The following NPFFR2 variants were observed in gnomAD, a reference collection of about 807,000 sequenced individuals.
NPFFR2 encodes the protein neuropeptide FF receptor 2, also known as G-protein coupled receptor 74.
Under a neutral mutation model 13.1 loss-of-function variants are expected in NPFFR2, and 15 were observed. That is an observed-to-expected ratio of 1.15 (90% CI 0.77 to 1.76). The LOEUF (loss-of-function observed/expected upper bound fraction) is 1.76. Ranked by LOEUF, NPFFR2 falls within the 40% of genes most tolerant of loss-of-function variation. The pLI, the probability that NPFFR2 is intolerant of heterozygous loss-of-function variation, is 0.00. For missense variants in NPFFR2, 572 were observed against 503.5 expected (o/e 1.14, Z -1.30); for synonymous variants, 190 against 175.7 (o/e 1.08, Z -0.65).
intron 1 of NPFFR2, among the ~76,000 whole-genome samples, chr4:72,065,674 G>C (rs569142600): frequency 6.6e-6 from 1 of 152,262 alleles, no homozygotes; most frequent in East Asian, 1.9e-4. Flanking sequence ...ATCATTCCTA[G>C]TCCCATTTTC....
At chr4:72,114,103 C>A (rs976294145) in intron 1 of NPFFR2, among the ~76,000 whole-genome samples, 1 of 152,034 alleles carries the variant, frequency 6.6e-6, no homozygotes, top group African/African-American at 2.4e-5. Context: ...GTCACTTGCC[C>A]TCTTATTTTC....
rs375865180 is a variant in NPFFR2, at chr4:72,032,232, C to T, written c.-8+32C>T. The T allele has an allele frequency of 1.4e-4, 214 of 1,561,130 alleles. 1 individual carries two copies. In the South Asian group the frequency reaches 2.4e-3, roughly 17 times the overall value. The stretch of plus-strand genomic sequence containing the variant: ...GCATGGGCCAGTTTGTCTGGGGGCC[C>T]CCGCTTGGGGGCGCGACCCCTCTCT... On this transcript the variant is annotated intron_variant, in intron 1 of 3. Transcript: ENST00000308744.
At chr4:72,123,100 A>G (rs1002622315) in intron 1 of NPFFR2, among the ~76,000 whole-genome samples, 2 of 152,236 alleles carry the variant, frequency 1.3e-5, no homozygotes, top group African/African-American at 4.8e-5. Context: ...CACTGATCCC[A>G]CAGAAATATA....
intron 1 of NPFFR2, among the ~76,000 whole-genome samples, chr4:72,117,029 G>T (rs981128503): frequency 6.6e-6 from 1 of 152,082 alleles, no homozygotes; most frequent in South Asian, 2.1e-4. Context: ...GAACTGGCAA[G>T]AAAAACATCT....
chr4:72,081,227 A>T (rs914105391), intron 1 of NPFFR2, among the ~76,000 whole-genome samples: 9 of 152,158 alleles, frequency 5.9e-5, no homozygotes, highest in Admixed American at 4.6e-4. Flanking sequence ...TAAAACGATT[A>T]TTCCCATTTG....
At chr4:72,092,771 T>C (rs1720951599) in intron 1 of NPFFR2, among the ~76,000 whole-genome samples, 1 of 152,168 alleles carries the variant, frequency 6.6e-6, no homozygotes, top group African/African-American at 2.4e-5. Flanking sequence ...AGATACTTGG[T>C]TGGTGAATTC....
intron 1 of NPFFR2, among the ~76,000 whole-genome samples, chr4:72,060,537 G>A (rs1240502228): frequency 6.6e-6 from 1 of 152,004 alleles, no homozygotes; most frequent in Non-Finnish European, 1.5e-5. Flanking sequence ...TATAACAAAA[G>A]TGTTCAAGAA....
chr4:72,092,473 T>A (rs963301996), intron 1 of NPFFR2, among the ~76,000 whole-genome samples: 2 of 152,138 alleles, frequency 1.3e-5, no homozygotes, highest in East Asian at 3.9e-4. Flanking sequence ...GCTGTCTATC[T>A]CATTTCTTAG....
intron 1 of NPFFR2, among the ~76,000 whole-genome samples, chr4:72,091,185 A>C (rs1359404675): frequency 1.3e-5 from 2 of 152,054 alleles, no homozygotes; most frequent in East Asian, 3.8e-4. Flanking sequence ...TCTGAAACCC[A>C]CTTGATCAAG....
chr4:72,051,577 T>G (rs1477273221), intron 1 of NPFFR2, among the ~76,000 whole-genome samples: 2 of 148,908 alleles, frequency 1.3e-5, no homozygotes. Flanking sequence ...ACGTCACAAT[T>G]GAAAGAACTA....
In NPFFR2 at chr4:72,128,936, G is replaced by A; in HGVS notation, c.328+17G>A. Reference sequence around the variant, plus strand: ...TTATAGCAGGTATGTTGGCTTTTGTGCAGTTTGAAGATAATATGAAATATT... The same window carrying A: ...TTATAGCAGGTATGTTGGCTTTTGTACAGTTTGAAGATAATATGAAATATT... On this transcript the variant is annotated intron_variant, in intron 2 of 3. Coordinates refer to ENST00000308744, the MANE Select transcript of NPFFR2 (RefSeq NM_004885.3). The A allele has an allele frequency of 6.4e-7, 1 of 1,555,874 alleles. No homozygotes were observed. The highest frequency in any genetic ancestry group is 2.3e-5 in the East Asian group (1 of 44,286).
chr4:72,083,143 A>G (rs1488451581), intron 1 of NPFFR2, among the ~76,000 whole-genome samples: 1 of 152,186 alleles, frequency 6.6e-6, no homozygotes, highest in Non-Finnish European at 1.5e-5. Context: ...ATAATGCTCC[A>G]ATGAACACAG....
At chr4:72,061,537 C>T (rs1238548040) in intron 1 of NPFFR2, among the ~76,000 whole-genome samples, 1 of 152,136 alleles carries the variant, frequency 6.6e-6, no homozygotes, top group Non-Finnish European at 1.5e-5. Context: ...TCAGTTGTGA[C>T]AGTTTTGAAC....
intron 1 of NPFFR2, among the ~76,000 whole-genome samples, chr4:72,084,286 T>C (rs1445977910): frequency 1.3e-5 from 2 of 152,154 alleles, no homozygotes; most frequent in Non-Finnish European, 2.9e-5. Flanking sequence ...CAGTCTCTTA[T>C]CTCAACTCCA....
At chr4:72,137,974 T>A in intron 2 of NPFFR2, 66 bp from the exon 3 acceptor site, 1 of 1,255,596 alleles carries the variant, frequency 8.0e-7, no homozygotes, top group Non-Finnish European at 1.2e-6. Context: ...CACAACTTTC[T>A]ATTTTCATTT....
intron 1 of NPFFR2, among the ~76,000 whole-genome samples, chr4:72,051,782 A>C (rs557692879): frequency 5.6e-4 from 85 of 152,100 alleles, no homozygotes; most frequent in African/African-American, 2.0e-3. Flanking sequence ...AGAAGAATCA[A>C]ATAGATGCAA....
chr4:72,069,972 A>T (rs1305944198), intron 1 of NPFFR2, among the ~76,000 whole-genome samples: 2 of 152,152 alleles, frequency 1.3e-5, no homozygotes, highest in South Asian at 2.1e-4. Flanking sequence ...ATCAAGTCAT[A>T]TATTCTTTGT....
chr4:72,032,782 T>G (rs1198667409), intron 1 of NPFFR2, among the ~76,000 whole-genome samples: 1 of 152,122 alleles, frequency 6.6e-6, no homozygotes, highest in Non-Finnish European at 1.5e-5. Flanking sequence ...CCATCAGGCA[T>G]TTTCCAACAG....
At chr4:72,080,241 T>C (rs375234188) in intron 1 of NPFFR2, among the ~76,000 whole-genome samples, 36 of 151,824 alleles carry the variant, frequency 2.4e-4, no homozygotes, top group African/African-American at 8.4e-4. Context: ...CTCCGCTCAC[T>C]GCAACCTCCA....
Sources: allele counts gnomAD v4.1 joint callset (sites outside exome capture counted in the v4.1 genomes callset), GRCh38; gene constraint gnomAD v4.1.1; transcripts MANE v1.5; gene names NCBI Gene and HGNC (gene_info 2026-07-23, HGNC 2026-07-21).